ODF2: variants seen among roughly 807,000 people sequenced by gnomAD.
ODF2 encodes outer dense fiber of sperm tails 2, also known as outer dense fiber protein 2.
In ODF2, 47 loss-of-function variants were observed where a neutral mutation model predicts 110.2. The ratio of observed to expected loss-of-function variants is 0.43; its 90% CI spans 0.34 to 0.54. The LOEUF is 0.54. ODF2 is among the 20% of genes least tolerant of loss of function. The probability of loss-of-function intolerance (pLI) is 0.03; values close to 1 mark genes in which losing one functional copy is unlikely to be tolerated. For synonymous variants in ODF2, 352 were observed against 397.7 expected (o/e 0.89, Z 1.37); for missense variants, 812 against 1,054.5 (o/e 0.77, Z 3.19).
intron 4 of ODF2, 200 bp downstream of exon 4, chr9:128,461,267 A>G: frequency 1.6e-6 from 1 of 637,154 alleles, no homozygotes; most frequent in South Asian, 2.1e-5. Context: ...CCTGCTGTCC[A>G]AAGGCAGAGA....
intron 17 of ODF2, among the ~76,000 whole-genome samples, chr9:128,495,013 TTC>T (rs1372435514): frequency 6.6e-6 from 1 of 152,204 alleles, no homozygotes; most frequent in African/African-American, 2.4e-5. Context: ...GCCGTAGAAT[TTC>T]TTTTTTTCTC....
chr9:128,456,515 G>T, intron 1 of ODF2: 1 of 1,524,484 alleles, frequency 6.6e-7, no homozygotes. Context: ...CTCCTCTGCC[G>T]CCCGCGGGCA....
chr9:128,462,237 C>T (rs531815451), intron 4 of ODF2, among the ~76,000 whole-genome samples: 570 of 152,002 alleles, frequency 3.7e-3, no homozygotes, highest in Non-Finnish European at 6.3e-3. Context: ...CCACAACCTC[C>T]GCCTCCTGGG....
chr9:128,473,514 G>T, intron 7 of ODF2, 96 bp from the exon 8 acceptor site: 1 of 1,554,874 alleles, frequency 6.4e-7, no homozygotes. Flanking sequence ...GGTTCTCCTT[G>T]TCTGGGCTTT....
intron 4 of ODF2, 65 bp from the exon 5 acceptor site, chr9:128,469,118 G>A (rs1385860346): frequency 4.0e-6 from 6 of 1,513,302 alleles, no homozygotes; most frequent in East Asian, 4.5e-5. Context: ...TAAGCCTCCA[G>A]TGGTGGAACT....
rs1017047433 is a variant in ODF2, at chr9:128,470,951, C to T, written c.421-357C>T. Among the ~76,000 whole-genome samples, 4 of 151,204 alleles carry T rather than the reference C, an allele frequency of 2.6e-5. No homozygotes were observed. The East Asian group carries it at 5.9e-4, about 22-fold the overall frequency. ...TTTGAGATGGAGTCTCACTCTTGTCCGCCCAGGCTGGAGTGCAGTGGGCAC... is the reference window on the plus strand; with the variant it reads ...TTTGAGATGGAGTCTCACTCTTGTCTGCCCAGGCTGGAGTGCAGTGGGCAC... On this transcript the variant is annotated intron_variant, in intron 5 of 20. Coordinates refer to ENST00000604420, the Ensembl canonical transcript of ODF2.
At chr9:128,487,235 C>T (rs1247392538) in intron 13 of ODF2, among the ~76,000 whole-genome samples, 1 of 152,180 alleles carries the variant, frequency 6.6e-6, no homozygotes, top group Non-Finnish European at 1.5e-5. Flanking sequence ...GTGTGAGCTG[C>T]CACACCCAGC....
At chr9:128,498,323 C>A (rs1846005640) in intron 18 of ODF2, 90 bp from the exon 19 acceptor site, 1 of 1,405,324 alleles carries the variant, frequency 7.1e-7, no homozygotes, top group Non-Finnish European at 9.3e-7. Context: ...TGATGAGATC[C>A]CCAGTCCAGG....
chr9:128,459,504 G>T, intron 2 of ODF2, 63 bp from the exon 2 acceptor site: 3 of 1,301,040 alleles, frequency 2.3e-6, no homozygotes, highest in East Asian at 2.4e-5. Context: ...AATTTCATGA[G>T]ATCTGAAATA....
intron 8 of ODF2, 28 bp downstream of exon 8, chr9:128,473,769 C>T (rs1840612944): frequency 6.2e-7 from 1 of 1,600,212 alleles, no homozygotes; most frequent in Non-Finnish European, 8.6e-7. Context: ...CTCTTTCCCT[C>T]CAGCTCTGCA....
At chr9:128,456,456 G>T in intron 1 of ODF2, 3 of 1,515,880 alleles carry the variant, frequency 2.0e-6, no homozygotes, top group Non-Finnish European at 2.6e-6. Flanking sequence ...TCCCGCTAAC[G>T]GGCGGTCGGC....
Position 128,458,992 on chromosome 9 carries a change from A to G in ODF2, c.33-575A>G, listed in dbSNP as rs1438100814. On this transcript the variant is annotated intron_variant, in intron 2 of 20. Transcript: ENST00000604420. Reference sequence around the variant, plus strand: ...CCCGAGTAGCTGGGACTACAGACACACGCCACCACGCCAAGCTAATTTTTG... The same window carrying G: ...CCCGAGTAGCTGGGACTACAGACACGCGCCACCACGCCAAGCTAATTTTTG... Among the ~76,000 whole-genome samples the G allele has an allele frequency of 3.3e-5, 5 of 151,888 alleles. No individual in the cohort carries two copies. In the South Asian group the frequency reaches 1.0e-3, roughly 32 times the overall value.
chr9:128,492,157 G>A (rs990230542), intron 14 of ODF2, among the ~76,000 whole-genome samples: 8 of 152,178 alleles, frequency 5.3e-5, no homozygotes, highest in East Asian at 3.9e-4. Flanking sequence ...GAGCCACCGC[G>A]CCCGGCCTGG....
chr9:128,455,916 G>A, upstream of ODF2: 1 of 1,378,436 alleles, frequency 7.3e-7, no homozygotes, highest in Non-Finnish European at 9.4e-7. Context: ...GAAAGGCCTT[G>A]AATGGGGGGC....
chr9:128,486,222 G>A (rs998534287), intron 13 of ODF2, among the ~76,000 whole-genome samples: 28 of 152,062 alleles, frequency 1.8e-4, no homozygotes, highest in African/African-American at 6.3e-4. Flanking sequence ...AATCTCCCAG[G>A]TCAGGAAAGT....
intron 2 of ODF2, among the ~76,000 whole-genome samples, chr9:128,458,664 G>C (rs6478831): frequency 1 from 150,236 of 150,624 alleles, 74,928 homozygotes; most frequent in Middle Eastern, 1. Flanking sequence ...AGGTGAATTA[G>C]ACATGGCATT....
chr9:128,482,444 T>C (rs1421767044), intron 9 of ODF2, among the ~76,000 whole-genome samples: 2 of 152,196 alleles, frequency 1.3e-5, no homozygotes, highest in Non-Finnish European at 2.9e-5. Flanking sequence ...CATGAGCTTT[T>C]AGGCTATGGA....
At chr9:128,498,181 C>T (rs377700548) in intron 18 of ODF2, 56 of 423,324 alleles carry the variant, frequency 1.3e-4, no homozygotes, top group African/African-American at 9.2e-4. Context: ...ACAAAGCCCA[C>T]GGTCAGTCTC....
intron 4 of ODF2, among the ~76,000 whole-genome samples, chr9:128,464,523 G>T (rs531850613): frequency 1.3e-5 from 2 of 151,502 alleles, no homozygotes; most frequent in African/African-American, 4.9e-5. Context: ...TTTTTGAGAC[G>T]GAGTCTTGTT....
Sources: allele counts gnomAD v4.1 joint callset (sites outside exome capture counted in the v4.1 genomes callset), GRCh38; gene constraint gnomAD v4.1.1; transcripts MANE v1.5; gene names NCBI Gene and HGNC (gene_info 2026-07-23, HGNC 2026-07-21).